Variants in PRR33 observed in about 807,000 individuals in gnomAD.
PRR33 encodes proline-rich protein 33.
Under a neutral mutation model 0.5 loss-of-function variants are expected in PRR33, and 1 was observed. That is an observed-to-expected ratio of 2.18 (90% CI 0.77 to 10.34). The LOEUF is 10.34. PRR33 is among the 30% of genes most tolerant of loss of function. The probability of loss-of-function intolerance (pLI) is 0.13; values close to 1 mark genes in which losing one functional copy is unlikely to be tolerated. For synonymous variants in PRR33, 226 were observed against 110.0 expected, an observed-to-expected ratio of 2.06 and a Z score of -6.60; for missense variants, 552 against 251.8, an observed-to-expected ratio of 2.19 and a Z score of -8.07.
At chr11:1,897,385 C>T in the PRR33 span, among the ~76,000 whole-genome samples, 168 of 152,248 alleles carry the variant, frequency 1.1e-3, no homozygotes, top group African/African-American at 3.8e-3. The surrounding 1 kb of genome is among the most constrained non-coding windows in gnomAD (Gnocchi z 4.0). Context: ...ACGAGGACCT[C>T]GGGTTATATA....
chr11:1,900,554 G>C, the PRR33 span, among the ~76,000 whole-genome samples: 1 of 152,144 alleles, frequency 6.6e-6, no homozygotes, highest in African/African-American at 2.4e-5. Flanking sequence ...CAATATTGTA[G>C]GACTGTGTGT....
chr11:1,898,986 G>A, the PRR33 span, among the ~76,000 whole-genome samples: 4 of 152,182 alleles, frequency 2.6e-5, no homozygotes, highest in African/African-American at 7.2e-5. Flanking sequence ...GGGCAACAGA[G>A]TGAGACTTGG....
chr11:1,902,105 G>A, the PRR33 span, among the ~76,000 whole-genome samples: 7 of 152,016 alleles, frequency 4.6e-5, no homozygotes, highest in South Asian at 4.1e-4. Flanking sequence ...GGTGGCGGGC[G>A]CCTGTAGTCC....
chr11:1,896,902 C>T, the PRR33 span, among the ~76,000 whole-genome samples: 5 of 152,168 alleles, frequency 3.3e-5, no homozygotes, highest in Non-Finnish European at 2.9e-5. Context: ...AAACCTTAGA[C>T]AAATTAAATT....
the PRR33 span, among the ~76,000 whole-genome samples, chr11:1,916,139 T>G: frequency 5.1e-4 from 78 of 152,048 alleles, no homozygotes; most frequent in African/African-American, 1.8e-3. Flanking sequence ...CTGTGTGAAA[T>G]AGCAGACAGC....
the PRR33 span, chr11:1,890,066 A>AC: frequency 9.8e-6 from 7 of 711,254 alleles, no homozygotes; most frequent in East Asian, 5.4e-5. Context: ...GGGTGCCCCC[A>AC]CCCCCAGAGA....
the PRR33 span, among the ~76,000 whole-genome samples, chr11:1,912,294 T>TCTTTTTG: frequency 6.6e-6 from 1 of 152,192 alleles, no homozygotes; most frequent in Admixed American, 6.5e-5. Context: ...TTGTCTTTTT[T>TCTTTTTG]TTTGTCTTTG....
the PRR33 span, among the ~76,000 whole-genome samples, chr11:1,910,821 T>C: frequency 6.6e-6 from 1 of 152,252 alleles, no homozygotes; most frequent in East Asian, 1.9e-4. Flanking sequence ...GCAGTTTTAA[T>C]TTGGTTTCCC....
At chr11:1,901,173 G>T in the PRR33 span, among the ~76,000 whole-genome samples, 1 of 152,100 alleles carries the variant, frequency 6.6e-6, no homozygotes. Context: ...TTAGTCGGGC[G>T]TTGTGGCAGA....
At chr11:1,889,722 C>T in exon 1 of PRR33, 1 of 652,892 alleles carries the variant, frequency 1.5e-6, no homozygotes, top group Non-Finnish European at 2.8e-6. Flanking sequence ...TCTGCCAGGG[C>T]CCATGGGGAC....
At chr11:1,901,286 T>C in the PRR33 span, among the ~76,000 whole-genome samples, 1 of 151,104 alleles carries the variant, frequency 6.6e-6, no homozygotes, top group Non-Finnish European at 1.5e-5. Flanking sequence ...CACTCCAGCC[T>C]GGGCGACAAG....
the PRR33 span, among the ~76,000 whole-genome samples, chr11:1,915,688 T>C: frequency 3.5e-5 from 5 of 143,746 alleles, no homozygotes; most frequent in African/African-American, 1.3e-4. Context: ...GATGTTTCTG[T>C]GTGTGTGTGT....
the PRR33 span, among the ~76,000 whole-genome samples, chr11:1,909,923 G>A: frequency 6.6e-6 from 1 of 152,218 alleles, no homozygotes; most frequent in African/African-American, 2.4e-5. Context: ...TGTATATCCA[G>A]GTGCAAGTGA....
chr11:1,899,072 A>G, the PRR33 span, among the ~76,000 whole-genome samples: 1 of 152,142 alleles, frequency 6.6e-6, no homozygotes, highest in African/African-American at 2.4e-5. Flanking sequence ...GTCCACATAT[A>G]GGATTGGCTG....
the PRR33 span, among the ~76,000 whole-genome samples, chr11:1,905,835 G>C: frequency 1.3e-5 from 2 of 150,976 alleles, no homozygotes; most frequent in Non-Finnish European, 1.5e-5. Context: ...TTCTTTTTGT[G>C]GGGGGGACAG....
chr11:1,915,305 G>T, the PRR33 span, among the ~76,000 whole-genome samples: 2 of 149,294 alleles, frequency 1.3e-5, no homozygotes, highest in African/African-American at 5.0e-5. Context: ...CTGTGTGTGT[G>T]TTGTGGGATA....
At chr11:1,912,468 A>G in the PRR33 span, among the ~76,000 whole-genome samples, 4 of 152,154 alleles carry the variant, frequency 2.6e-5, no homozygotes, top group African/African-American at 9.7e-5. Context: ...TTCTTTCACC[A>G]CAATGTCATC....
upstream of PRR33, among the ~76,000 whole-genome samples, chr11:1,895,166 C>T (rs953235236): frequency 6.6e-6 from 1 of 151,316 alleles, no homozygotes; most frequent in Non-Finnish European, 1.5e-5. Context: ...GAGTTTTGCT[C>T]TTGTTGCCCA....
At chr11:1,898,737 G>T in the PRR33 span, among the ~76,000 whole-genome samples, 1 of 151,966 alleles carries the variant, frequency 6.6e-6, no homozygotes, top group Non-Finnish European at 1.5e-5. Context: ...CGGGCACAGG[G>T]GCTCACGCCT....
Sources: allele counts gnomAD v4.1 joint callset (sites outside exome capture counted in the v4.1 genomes callset), GRCh38; gene constraint gnomAD v4.1.1; non-coding constraint Gnocchi (gnomAD v3.1); transcripts MANE v1.5; gene names NCBI Gene and HGNC (gene_info 2026-07-23, HGNC 2026-07-21).